The following B3GALT1 variants were observed in gnomAD, a reference collection of about 807,000 sequenced individuals.
The protein encoded by B3GALT1 is UDP-Gal:betaGlcNAc beta 1,3-galactosyltransferase, polypeptide 1.
A neutral mutation model predicts 23.2 loss-of-function variants in B3GALT1; 10 were observed. That is an observed-to-expected ratio of 0.43 (90% confidence interval 0.27 to 0.73). The LOEUF is 0.73. Among genes scored for constraint, B3GALT1 ranks in the 30% least tolerant of loss-of-function variants. The pLI is 0.21. For missense variants in B3GALT1, 299 were observed against 405.4 expected (o/e 0.74, Z 2.25); for synonymous variants, 156 against 141.5 (o/e 1.10, Z -0.73).
chr2:167,805,353 T>C (rs1371273605), intron 3 of B3GALT1, among the ~76,000 whole-genome samples: 4 of 152,192 alleles, frequency 2.6e-5, no homozygotes, highest in Non-Finnish European at 4.4e-5. Context: ...TTGTCAATTT[T>C]GGCTTTTGTT....
chr2:167,681,593 T>G (rs1686532052), intron 3 of B3GALT1, among the ~76,000 whole-genome samples: 1 of 152,242 alleles, frequency 6.6e-6, no homozygotes, highest in Admixed American at 6.5e-5. Context: ...ATTTCAGTGG[T>G]TGATTTACAT....
intron 1 of B3GALT1, among the ~76,000 whole-genome samples, chr2:167,478,580 A>AT (rs1216243362): frequency 7.9e-5 from 12 of 151,898 alleles, no homozygotes; most frequent in African/African-American, 2.9e-4. Context: ...TTTTTTTTAA[A>AT]TTATACTTTA....
chr2:167,809,133 A>G (rs1316103148), intron 3 of B3GALT1, among the ~76,000 whole-genome samples: 6 of 152,202 alleles, frequency 3.9e-5, no homozygotes, highest in African/African-American at 1.4e-4. Flanking sequence ...TTTCAGCTCC[A>G]TCAGGTCCTT....
At chr2:167,393,166 G>A (rs534798693) in intron 1 of B3GALT1, among the ~76,000 whole-genome samples, 8 of 151,922 alleles carry the variant, frequency 5.3e-5, no homozygotes, top group African/African-American at 1.9e-4. Context: ...CCCGGGAGGC[G>A]GAGCTTGCAG....
Position 167,769,670 on chromosome 2 carries a change from CT to C in B3GALT1, c.-351-48998del, listed in dbSNP as rs537380282. On this transcript the variant is annotated intron_variant, in intron 3 of 4. Coordinates refer to ENST00000392690, the MANE Select transcript of B3GALT1 (RefSeq NM_020981.4). ...TAAATAGCATCATACAATATATAGT[CT>C]TTTGAGTCTGGCTTCTTTTGCCTAG... Among the ~76,000 whole-genome samples the C allele has an allele frequency of 3.3e-3, 498 of 152,242 alleles. 3 individuals carry two copies. Among genetic ancestry groups the C allele is most frequent in the African/African-American group, 0.011 (467 of 41,554 alleles).
intron 3 of B3GALT1, among the ~76,000 whole-genome samples, chr2:167,723,532 T>A (rs1188763436): frequency 6.6e-6 from 1 of 152,064 alleles, no homozygotes; most frequent in African/African-American, 2.4e-5. Context: ...CTTTCCTTTT[T>A]TTTTTTGTTT....
chr2:167,812,383 G>A (rs1410926256), intron 3 of B3GALT1, among the ~76,000 whole-genome samples: 2 of 152,218 alleles, frequency 1.3e-5, no homozygotes, highest in Admixed American at 1.3e-4. Context: ...AAAGCTGTAT[G>A]TAAAAAGTTT....
intron 2 of B3GALT1, among the ~76,000 whole-genome samples, chr2:167,580,600 T>C (rs1684466305): frequency 6.6e-6 from 1 of 152,144 alleles, no homozygotes; most frequent in African/African-American, 2.4e-5. Context: ...TGCAGACCAC[T>C]CTCTGTTGGG....
chr2:167,388,711 A>C (rs1268542358), intron 1 of B3GALT1, among the ~76,000 whole-genome samples: 1 of 152,210 alleles, frequency 6.6e-6, no homozygotes, highest in Non-Finnish European at 1.5e-5. Flanking sequence ...GCCTCACCCC[A>C]GGTCAATTAA....
intron 3 of B3GALT1, among the ~76,000 whole-genome samples, chr2:167,668,294 G>T (rs932545021): frequency 2.0e-5 from 3 of 152,094 alleles, no homozygotes; most frequent in Admixed American, 6.5e-5. Context: ...CACTTGAGGA[G>T]GCAGTTTGCC....
chr2:167,398,873 G>C (rs2105287692), intron 1 of B3GALT1, among the ~76,000 whole-genome samples: 2 of 152,228 alleles, frequency 1.3e-5, no homozygotes, highest in South Asian at 4.1e-4. Context: ...AGAGTGTCTT[G>C]CATTTCTGTG....
At chr2:167,472,325 CTAT>C (rs1313978940) in intron 1 of B3GALT1, among the ~76,000 whole-genome samples, 1 of 152,038 alleles carries the variant, frequency 6.6e-6, no homozygotes, top group Non-Finnish European at 1.5e-5. Flanking sequence ...GAGGTGGGGG[CTAT>C]TAACAAGAAT....
At chr2:167,447,267 C>T (rs1406010416) in intron 1 of B3GALT1, among the ~76,000 whole-genome samples, 1 of 152,202 alleles carries the variant, frequency 6.6e-6, no homozygotes, top group African/African-American at 2.4e-5. Flanking sequence ...TGTCAGTCGG[C>T]CCCTACTGGG....
At chr2:167,776,961 G>T (rs1688172247) in intron 3 of B3GALT1, among the ~76,000 whole-genome samples, 1 of 151,978 alleles carries the variant, frequency 6.6e-6, no homozygotes, top group Admixed American at 6.6e-5. Context: ...ACAGGCTAAG[G>T]TTTTTTTTGT....
intron 1 of B3GALT1, among the ~76,000 whole-genome samples, chr2:167,317,898 C>T (rs1208771037): frequency 1.3e-5 from 2 of 152,076 alleles, no homozygotes; most frequent in Non-Finnish European, 2.9e-5. Context: ...GCCTAAATTT[C>T]ATCATTAGAA....
At chr2:167,685,431 A>C (rs1686602837) in intron 3 of B3GALT1, among the ~76,000 whole-genome samples, 1 of 152,194 alleles carries the variant, frequency 6.6e-6, no homozygotes, top group Non-Finnish European at 1.5e-5. Context: ...AAACAAGCAC[A>C]TAGGAAAACA....
At chr2:167,696,795 A>G (rs1480443781) in intron 3 of B3GALT1, among the ~76,000 whole-genome samples, 1 of 152,192 alleles carries the variant, frequency 6.6e-6, no homozygotes, top group Non-Finnish European at 1.5e-5. Flanking sequence ...GACACTTCCA[A>G]GAAGACTCGT....
At chr2:167,522,043 A>T (rs1367513378) in intron 2 of B3GALT1, among the ~76,000 whole-genome samples, 2 of 138,294 alleles carry the variant, frequency 1.4e-5, no homozygotes, top group Non-Finnish European at 3.2e-5. Context: ...TATATGATTT[A>T]AAAGGTAAAA....
intron 4 of B3GALT1, among the ~76,000 whole-genome samples, chr2:167,831,868 G>A (rs1029191455): frequency 2.0e-5 from 3 of 152,190 alleles, no homozygotes; most frequent in Non-Finnish European, 2.9e-5. Context: ...TCAAAAGATA[G>A]TGTCTAATAG....
Sources: gnomAD v4.1 joint callset for allele counts (sites outside exome capture counted in the v4.1 genomes callset) on GRCh38, gnomAD v4.1.1 for gene constraint, MANE v1.5 for transcripts, NCBI Gene and HGNC (gene_info 2026-07-23, HGNC 2026-07-21) for gene names.